Variants in PLCXD3 observed in about 807,000 individuals in gnomAD.
PLCXD3 encodes phosphatidylinositol specific phospholipase C X domain containing 3, also known as PI-PLC X domain-containing protein 3.
PLCXD3 carries 19 observed loss-of-function variants against 25.5 expected under a neutral mutation model. The observed-to-expected ratio is 0.75, with a 90% CI of 0.52 to 1.09. The LOEUF (loss-of-function observed/expected upper bound fraction) is 1.09, where lower values mean the gene tolerates loss of function less well. PLCXD3 is among the 50% of genes least tolerant of loss of function. The pLI is 0.00. For missense variants in PLCXD3, 411 were observed against 388.1 expected (o/e 1.06, Z -0.50); for synonymous variants, 174 against 137.6 (o/e 1.26, Z -1.85).
intron 2 of PLCXD3, among the ~76,000 whole-genome samples, chr5:41,315,136 T>C (rs546269701): frequency 1.3e-5 from 2 of 152,286 alleles, no homozygotes; most frequent in Admixed American, 1.3e-4. Context: ...GTGATGTTAA[T>C]GATGATGTCC....
At chr5:41,353,738 A>G (rs1358732526) in intron 2 of PLCXD3, among the ~76,000 whole-genome samples, 1 of 152,212 alleles carries the variant, frequency 6.6e-6, no homozygotes, top group Non-Finnish European at 1.5e-5. Context: ...TGGGGAAGCA[A>G]TAGTTCAGGA....
intron 2 of PLCXD3, among the ~76,000 whole-genome samples, chr5:41,315,834 C>A: frequency 6.6e-6 from 1 of 152,310 alleles, no homozygotes; most frequent in East Asian, 1.9e-4. Context: ...AGCGGACGCC[C>A]AGTCACACAG....
Position 41,382,007 on chromosome 5 carries a change from TC to T in PLCXD3, c.630del (p.Met211Ter). ...GTGTTGGCCCAGGGTGCTGGCATCA[TC>T]TGCCCAGGCCAGAGAAAGGGCACTT... The part of the protein sequence containing the change: ...ALEVPFLWPG[Q>X]MMPAPWANTT... On this transcript the variant is annotated frameshift_variant, in exon 2 of 3. Transcript: ENST00000377801. LOFTEE classifies it high-confidence loss of function. 6.2e-7 allele frequency: 1 copy of T among 1,613,532 alleles called. No homozygotes were observed. The highest frequency in any genetic ancestry group is 8.5e-7 in the Non-Finnish European group (1 of 1,179,738).
intron 1 of PLCXD3, among the ~76,000 whole-genome samples, chr5:41,493,486 T>C (rs1177912740): frequency 6.6e-6 from 1 of 152,228 alleles, no homozygotes; most frequent in African/African-American, 2.4e-5. Flanking sequence ...GACATTTAAG[T>C]CTGCAGAGGT....
intron 1 of PLCXD3, among the ~76,000 whole-genome samples, chr5:41,473,619 AT>A (rs540598906): frequency 2.5e-4 from 37 of 148,632 alleles, no homozygotes; most frequent in African/African-American, 2.7e-4. Flanking sequence ...CGCCCCGCTA[AT>A]TTTTTTTTTG....
intron 1 of PLCXD3, among the ~76,000 whole-genome samples, chr5:41,460,166 T>C (rs150411344): frequency 3.9e-5 from 6 of 152,074 alleles, no homozygotes; most frequent in East Asian, 3.9e-4. Context: ...GATGCTAGTG[T>C]TCCCATTTGT....
chr5:41,478,483 A>G (rs1748327669), intron 1 of PLCXD3, among the ~76,000 whole-genome samples: 1 of 152,226 alleles, frequency 6.6e-6, no homozygotes, highest in Admixed American at 6.5e-5. Context: ...TATCTAAAAC[A>G]TCATTAATAA....
chr5:41,441,232 A>G (rs959234954), intron 1 of PLCXD3, among the ~76,000 whole-genome samples: 1 of 152,346 alleles, frequency 6.6e-6, no homozygotes, highest in Non-Finnish European at 1.5e-5. Context: ...AAGGAAGTGG[A>G]TACCTGGCAA....
At chr5:41,322,714 C>A (rs183669785) in intron 2 of PLCXD3, among the ~76,000 whole-genome samples, 3 of 152,138 alleles carry the variant, frequency 2.0e-5, no homozygotes, top group Admixed American at 1.3e-4. Flanking sequence ...TGGTGGCCCA[C>A]GCCTGTAATT....
At chr5:41,449,698 C>T (rs1195914226) in intron 1 of PLCXD3, among the ~76,000 whole-genome samples, 1 of 152,046 alleles carries the variant, frequency 6.6e-6, no homozygotes. Flanking sequence ...TATAGGAGTG[C>T]CTCAGAGTTA....
chr5:41,417,210 G>T (rs1252320332), intron 1 of PLCXD3, among the ~76,000 whole-genome samples: 1 of 152,136 alleles, frequency 6.6e-6, no homozygotes, highest in East Asian at 1.9e-4. Context: ...GCTGCCTAAG[G>T]GTCCCAGGAA....
chr5:41,357,426 G>A (rs1317054346), intron 2 of PLCXD3, among the ~76,000 whole-genome samples: 1 of 152,178 alleles, frequency 6.6e-6, no homozygotes, highest in South Asian at 2.1e-4. Flanking sequence ...GTAAGACTCA[G>A]TTTCTGTTTG....
intron 1 of PLCXD3, among the ~76,000 whole-genome samples, chr5:41,390,315 C>T (rs532259042): frequency 1.5e-5 from 2 of 134,774 alleles, no homozygotes; most frequent in South Asian, 2.9e-4. Flanking sequence ...CTGAACAAAA[C>T]TGTTCATTGC....
rs1177772502 is a variant in PLCXD3, at chr5:41,382,145, T to A, written c.493A>T (p.Ile165Phe). 1.9e-6 allele frequency: 3 copies of A among 1,613,632 alleles called. No individual in the cohort carries two copies. Among genetic ancestry groups the A allele is most frequent in the Non-Finnish European group, 2.5e-6 (3 of 1,179,792 alleles). ...GCTGGGCACATTTTATTTCCATAGA[T>A]GTCTTTCAGCATTTGGACCAGTTTT... ...HEKLVQMLKD[I>F]YGNKMCPAIF... The change falls in exon 2 of 3, where the codon ATC (isoleucine) becomes TTC (phenylalanine). Residue 165 changes from isoleucine (I) to phenylalanine (F), a missense_variant. Ile to Phe is a conservative substitution (Grantham distance 21). Transcript: ENST00000377801.
intron 1 of PLCXD3, among the ~76,000 whole-genome samples, chr5:41,496,984 GTTA>G (rs1748855663): frequency 6.6e-6 from 1 of 151,562 alleles, no homozygotes; most frequent in Non-Finnish European, 1.5e-5. Flanking sequence ...TGTGATTTAA[GTTA>G]TTTTTTAATT....
At position 41,340,882 on chromosome 5, in the gene PLCXD3, A is replaced by C. The variant is rs149811486; in HGVS notation, c.813-27112T>G. On this transcript the variant is annotated intron_variant, in intron 2 of 2. Transcript: ENST00000377801. ...TAATTGTGTGACCTTTTAGCTACTA[A>C]TAATAGAATGTATTTTATAATAGGT... Among the ~76,000 whole-genome samples, 653 of 152,336 alleles carry C rather than the reference A, an allele frequency of 4.3e-3. 6 individuals are homozygous for C. Among genetic ancestry groups the C allele is most frequent in the African/African-American group, 0.015 (610 of 41,584 alleles).
intron 1 of PLCXD3, among the ~76,000 whole-genome samples, chr5:41,506,764 T>C (rs1243114709): frequency 6.6e-6 from 1 of 152,192 alleles, no homozygotes; most frequent in Non-Finnish European, 1.5e-5. Flanking sequence ...TTCATTGGTG[T>C]TTGCATTTTC....
chr5:41,367,085 T>C (rs955902301), intron 2 of PLCXD3, among the ~76,000 whole-genome samples: 2 of 152,230 alleles, frequency 1.3e-5, no homozygotes, highest in African/African-American at 4.8e-5. Context: ...TTGTGAGTAG[T>C]GCTGCAATGA....
At chr5:41,315,814 G>T (rs1743271854) in intron 2 of PLCXD3, among the ~76,000 whole-genome samples, 2 of 152,098 alleles carry the variant, frequency 1.3e-5, no homozygotes, top group Admixed American at 1.3e-4. Context: ...ATGAAAACCG[G>T]ACCTAACTCA....
Sources: gnomAD v4.1 joint callset for allele counts (sites outside exome capture counted in the v4.1 genomes callset) on GRCh38, gnomAD v4.1.1 for gene constraint, MANE v1.5 for transcripts, NCBI Gene and HGNC (gene_info 2026-07-23, HGNC 2026-07-21) for gene names.